Variants in OTUD7A observed in about 807,000 individuals in gnomAD.
The protein encoded by OTUD7A is OTU deubiquitinase 7A, also known as OTU domain-containing protein 7A.
OTUD7A carries 12 observed loss-of-function variants against 65.7 expected under a neutral mutation model. The ratio of observed to expected loss-of-function variants is 0.18; its 90% CI spans 0.12 to 0.30. The LOEUF (loss-of-function observed/expected upper bound fraction) is 0.30. Among genes scored for constraint, OTUD7A ranks in the 10% least tolerant of loss-of-function variants. The pLI is 1.00. For synonymous variants in OTUD7A, 641 were observed against 586.3 expected (o/e 1.09, Z -1.35); for missense variants, 1,148 against 1,304.8 (o/e 0.88, Z 1.85).
Position 31,483,585 on chromosome 15 carries a change from C to A in OTUD7A, c.2511G>T (p.Val837=). Residue 837 remains valine, a synonymous_variant, in exon 13 of 13, where the codon GTG becomes GTT. Coordinates refer to ENST00000307050, the MANE Select transcript of OTUD7A (RefSeq NM_001382637.1). ...CCGCCGCGCCCGGTAGGGCCCCGGG[C>A]ACCGCGCGCGCCAGCGACTCGACCG... ...VNTVESLARA[V]PGALPGAAGT... is the part of the protein sequence containing the mutation. 5.6e-6 allele frequency: 7 copies of A among 1,242,300 alleles called. No individual in the cohort carries two copies. Among genetic ancestry groups the A allele is most frequent in the South Asian group, 2.8e-5 (1 of 36,192 alleles). 77.0% of individuals were successfully genotyped at this position (1,242,300 alleles called of 1,614,324 possible). A position where few individuals can be genotyped will look rare whatever the true frequency, so the allele number is the denominator to read the frequency against.
intron 1 of OTUD7A, chr15:31,766,511 A>G (rs1895098243): frequency 6.2e-7 from 1 of 1,611,860 alleles, no homozygotes; most frequent in African/African-American, 1.3e-5. Context: ...TGATTGTGGC[A>G]CTAGACTCTC....
chr15:31,747,543 T>C (rs1017754078), intron 1 of OTUD7A, among the ~76,000 whole-genome samples: 1 of 152,176 alleles, frequency 6.6e-6, no homozygotes, highest in Non-Finnish European at 1.5e-5. Context: ...CAATAAATAA[T>C]GGTAGTAACA....
At chr15:31,686,528 C>T (rs113423619) in intron 1 of OTUD7A, among the ~76,000 whole-genome samples, 1 of 152,222 alleles carries the variant, frequency 6.6e-6, no homozygotes, top group Non-Finnish European at 1.5e-5. Context: ...TTTGGGTTTG[C>T]TCCTGGGAAA....
At chr15:31,745,498 G>A (rs1894451762) in intron 1 of OTUD7A, among the ~76,000 whole-genome samples, 1 of 152,154 alleles carries the variant, frequency 6.6e-6, no homozygotes, top group Non-Finnish European at 1.5e-5. Flanking sequence ...GGAAAATAAT[G>A]TACTTCAATT....
At chr15:31,517,213 T>A (rs1469907423) in intron 8 of OTUD7A, among the ~76,000 whole-genome samples, 1 of 152,156 alleles carries the variant, frequency 6.6e-6, no homozygotes, top group Non-Finnish European at 1.5e-5. Context: ...CCCTTTTCAT[T>A]TCTCCTTATT....
At chr15:31,508,511 G>A (rs1226643958) in intron 8 of OTUD7A, among the ~76,000 whole-genome samples, 2 of 152,164 alleles carry the variant, frequency 1.3e-5, no homozygotes, top group African/African-American at 2.4e-5. Context: ...CACCACGCTC[G>A]GCTAATTTCT....
intron 7 of OTUD7A, 88 bp downstream of exon 7, chr15:31,527,093 G>C: frequency 6.4e-7 from 1 of 1,562,850 alleles, no homozygotes; most frequent in Non-Finnish European, 8.7e-7. Flanking sequence ...ACTGTCTGGG[G>C]CCTGGAGGCC....
chr15:31,862,004 T>A, intron 1 of OTUD7A, among the ~76,000 whole-genome samples: 1 of 152,094 alleles, frequency 6.6e-6, no homozygotes, highest in South Asian at 2.1e-4. Context: ...TGCAAGGGAA[T>A]ATACTTAGGG....
chr15:31,595,857 C>G (rs1300564771), intron 3 of OTUD7A, among the ~76,000 whole-genome samples: 2 of 152,168 alleles, frequency 1.3e-5, no homozygotes, highest in African/African-American at 2.4e-5. Context: ...CTGGAGGTCA[C>G]TGTCAGTGTC....
intron 8 of OTUD7A, among the ~76,000 whole-genome samples, chr15:31,504,334 G>A (rs937376078): frequency 2.0e-5 from 3 of 152,142 alleles, no homozygotes; most frequent in African/African-American, 7.2e-5. Flanking sequence ...TGAGAAGGCT[G>A]TCTGGATTTC....
chr15:31,811,240 G>A (rs986331068), intron 1 of OTUD7A, among the ~76,000 whole-genome samples: 1 of 152,152 alleles, frequency 6.6e-6, no homozygotes, highest in Non-Finnish European at 1.5e-5. Context: ...AATGGAAAGA[G>A]GTAGACAGAG....
chr15:31,817,417 T>C (rs1249104032), intron 1 of OTUD7A, among the ~76,000 whole-genome samples: 3 of 152,002 alleles, frequency 2.0e-5, no homozygotes, highest in Admixed American at 1.3e-4. Context: ...CACCAGGAGA[T>C]TAGGTGCCTT....
At chr15:31,744,942 T>C (rs1187033423) in intron 1 of OTUD7A, among the ~76,000 whole-genome samples, 1 of 152,020 alleles carries the variant, frequency 6.6e-6, no homozygotes, top group Non-Finnish European at 1.5e-5. Context: ...TTAAAAGAAA[T>C]CAATTTATAA....
intron 10 of OTUD7A, among the ~76,000 whole-genome samples, chr15:31,500,983 A>G (rs907351325): frequency 6.6e-6 from 1 of 152,220 alleles, no homozygotes. Context: ...AAATCCCCCT[A>G]TTTCCCCAGT....
At chr15:31,568,584 G>T (rs1239656680) in intron 4 of OTUD7A, among the ~76,000 whole-genome samples, 1 of 152,236 alleles carries the variant, frequency 6.6e-6, no homozygotes, top group African/African-American at 2.4e-5. Context: ...AGAAGGACAT[G>T]AGATTTGGGA....
In OTUD7A at chr15:31,784,837, G is replaced by C. The variant is rs189341282; in HGVS notation, c.-100+85670C>G. On this transcript the variant is annotated intron_variant, in intron 1 of 12. Coordinates refer to ENST00000307050, the MANE Select transcript of OTUD7A (RefSeq NM_001382637.1). ...TTCAAAAAGAATGAATAGAAGGTGA[G>C]GAATGGCACAGTGAAGGTAGATGAT... is the stretch of plus-strand genomic sequence containing the variant. 3.3e-5 allele frequency among the ~76,000 whole-genome samples: 5 copies of C among 152,314 alleles called. No individual in the cohort carries two copies. In the East Asian group the frequency reaches 9.6e-4, roughly 29 times the overall value.
At chr15:31,622,976 T>G (rs545468072) in intron 3 of OTUD7A, among the ~76,000 whole-genome samples, 8 of 152,346 alleles carry the variant, frequency 5.3e-5, no homozygotes, top group South Asian at 4.1e-4. Context: ...TAGTTTTCCT[T>G]CTAATAGTCA....
intron 1 of OTUD7A, among the ~76,000 whole-genome samples, chr15:31,696,165 G>C (rs1442992173): frequency 2.1e-5 from 3 of 143,544 alleles, no homozygotes; most frequent in African/African-American, 7.3e-5. Context: ...AAGGGGCTGG[G>C]GGTGGACAGG....
chr15:31,484,383 C>A lies in OTUD7A; in HGVS notation c.1713G>T (p.Lys571Asn). ...GDSAERGKEK[K>N]AKSRKGSKEE... ...CCTTGCTGCCCTTGCGCGACTTGGCCTTCTTCTCCTTGCCCCGCTCGGCCG... is the reference window on the plus strand; with the variant it reads ...CCTTGCTGCCCTTGCGCGACTTGGCATTCTTCTCCTTGCCCCGCTCGGCCG... Residue 571 changes from lysine (K) to asparagine (N), a missense_variant, in exon 13 of 13, where the codon AAG (lysine) becomes AAT (asparagine). By Grantham distance (94) the Lys-to-Asn change is moderately conservative. Around this residue, in one of 6 missense-constraint regions of OTUD7A, gnomAD observed 842 missense variants for 769.5 expected, o/e 1.09. Coordinates refer to ENST00000307050, the MANE Select transcript of OTUD7A (RefSeq NM_001382637.1). The surrounding 1 kb of genome is among the most constrained non-coding windows in gnomAD (Gnocchi z 4.5). The A allele has an allele frequency of 6.2e-7, 1 of 1,601,216 alleles. No homozygotes were observed. The highest frequency in any genetic ancestry group is 8.5e-7 in the Non-Finnish European group (1 of 1,179,690).
Sources: allele counts gnomAD v4.1 joint callset (sites outside exome capture counted in the v4.1 genomes callset), GRCh38; gene constraint gnomAD v4.1.1; regional missense constraint gnomAD v4.1.1; non-coding constraint Gnocchi (gnomAD v3.1); transcripts MANE v1.5; gene names NCBI Gene and HGNC (gene_info 2026-07-23, HGNC 2026-07-21).